Variants in ACBD3 observed in about 807,000 individuals in gnomAD.
ACBD3 encodes Golgi resident protein GCP60.
Under a neutral mutation model 66.9 loss-of-function variants are expected in ACBD3, and 30 were observed. The ratio of observed to expected loss-of-function variants is 0.45; its 90% CI spans 0.34 to 0.61. The LOEUF (loss-of-function observed/expected upper bound fraction) is 0.61, where lower values mean the gene tolerates loss of function less well. ACBD3 is among the 20% of genes least tolerant of loss of function. ACBD3 has a pLI of 0.02. For missense variants in ACBD3, 544 were observed against 664.5 expected, an observed-to-expected ratio of 0.82 and a Z score of 1.99; for synonymous variants, 278 against 259.8, an observed-to-expected ratio of 1.07 and a Z score of -0.68.
rs147746021 is a variant in ACBD3, at chr1:226,161,257, G to A, written c.728+274C>T. 0.014 allele frequency among the ~76,000 whole-genome samples: 2,051 copies of A among 150,742 alleles called. 114 individuals carry two copies. In the East Asian group the frequency reaches 0.19, roughly 14 times the overall value. ...GGGTTCAAGAGATTCTCCTGCCTCA[G>A]CCTCCTGAGTAGGTGGGATTACAGG... On this transcript the variant is annotated intron_variant, in intron 4 of 7. Coordinates refer to ENST00000366812, the MANE Select transcript of ACBD3 (RefSeq NM_022735.4).
At chr1:226,149,788 C>T (rs956565207) in intron 7 of ACBD3, among the ~76,000 whole-genome samples, 5 of 151,718 alleles carry the variant, frequency 3.3e-5, no homozygotes, top group African/African-American at 4.8e-5. Context: ...GCAATCCATC[C>T]GCTTTGGCCT....
At chr1:226,172,512 C>A (rs963951307) in intron 1 of ACBD3, among the ~76,000 whole-genome samples, 2 of 152,066 alleles carry the variant, frequency 1.3e-5, no homozygotes, top group African/African-American at 4.8e-5. Context: ...TAGAATCTAG[C>A]CTGGGCAATC....
intron 2 of ACBD3, among the ~76,000 whole-genome samples, 176 bp from the exon 3 acceptor site, chr1:226,165,105 G>A (rs895436166): frequency 2.0e-5 from 3 of 151,988 alleles, no homozygotes; most frequent in Admixed American, 1.3e-4. Flanking sequence ...AATTAGATAC[G>A]CCACATACAA....
At chr1:226,170,616 C>T (rs772615730) in intron 1 of ACBD3, among the ~76,000 whole-genome samples, 27 of 152,184 alleles carry the variant, frequency 1.8e-4, no homozygotes, top group Middle Eastern at 3.4e-3. Flanking sequence ...TACACACACA[C>T]AAAATTTTTT....
intron 1 of ACBD3, among the ~76,000 whole-genome samples, chr1:226,182,608 C>T (rs759774851): frequency 2.0e-5 from 3 of 151,794 alleles, no homozygotes; most frequent in African/African-American, 4.8e-5. Flanking sequence ...AGCAAGACTC[C>T]GTCTCAGAAA....
chr1:226,156,751 A>G (rs1314971450), intron 5 of ACBD3, among the ~76,000 whole-genome samples: 1 of 152,192 alleles, frequency 6.6e-6, no homozygotes, highest in Non-Finnish European at 1.5e-5. Flanking sequence ...TCAATTTTCT[A>G]GAAGGGATAC....
intron 1 of ACBD3, among the ~76,000 whole-genome samples, chr1:226,176,150 G>C (rs1306488332): frequency 6.6e-6 from 1 of 152,172 alleles, no homozygotes; most frequent in African/African-American, 2.4e-5. Context: ...GCTTGCGGCT[G>C]GGCGTGGTGG....
intron 3 of ACBD3, among the ~76,000 whole-genome samples, chr1:226,164,344 T>C (rs1300334884): frequency 2.0e-5 from 3 of 152,134 alleles, no homozygotes; most frequent in Admixed American, 2.0e-4. Flanking sequence ...AAATAATCAA[T>C]AAGCCAGCTG....
At chr1:226,174,282 T>C (rs1195429073) in intron 1 of ACBD3, among the ~76,000 whole-genome samples, 1 of 152,176 alleles carries the variant, frequency 6.6e-6, no homozygotes, top group Admixed American at 6.5e-5. Context: ...TTATTAATAT[T>C]ACAAAGTTAT....
intron 1 of ACBD3, among the ~76,000 whole-genome samples, chr1:226,176,841 A>G (rs995721425): frequency 6.6e-6 from 1 of 152,216 alleles, no homozygotes; most frequent in African/African-American, 2.4e-5. Context: ...TATCTGATCC[A>G]TGACTGTCAA....
chr1:226,178,574 C>CTAAAAAAAA (rs1656102421), intron 1 of ACBD3, among the ~76,000 whole-genome samples: 1 of 83,636 alleles, frequency 1.2e-5, no homozygotes, highest in African/African-American at 4.7e-5. Flanking sequence ...GACTCCGTCT[C>CTAAAAAAAA]AAAAAAAAAA....
At chr1:226,153,747 T>C (rs1374716518) in intron 6 of ACBD3, among the ~76,000 whole-genome samples, 1 of 152,162 alleles carries the variant, frequency 6.6e-6, no homozygotes, top group Non-Finnish European at 1.5e-5. Context: ...ACATGATACA[T>C]TAGTCTCAAA....
At chr1:226,148,885 C>A (rs748088752) in intron 7 of ACBD3, among the ~76,000 whole-genome samples, 1 of 152,268 alleles carries the variant, frequency 6.6e-6, no homozygotes, top group Admixed American at 6.5e-5. Context: ...ATGTAATGAA[C>A]AATTCTTAGG....
chr1:226,159,077 A>C, intron 5 of ACBD3, 107 bp downstream of exon 5: 4 of 1,281,648 alleles, frequency 3.1e-6, no homozygotes, highest in South Asian at 1.4e-5. Flanking sequence ...TTTACACCTT[A>C]GAGGCTAACT....
intron 1 of ACBD3, among the ~76,000 whole-genome samples, chr1:226,168,517 A>G (rs9724673): frequency 0.64 from 96,670 of 152,102 alleles, 30,970 homozygotes; most frequent in African/African-American, 0.7. Context: ...TCGAAACAAC[A>G]TGGTACAGTC....
intron 3 of ACBD3, among the ~76,000 whole-genome samples, chr1:226,162,040 G>T (rs1659783731): frequency 6.6e-6 from 1 of 152,136 alleles, no homozygotes; most frequent in Non-Finnish European, 1.5e-5. Flanking sequence ...TTAAATTTGT[G>T]TGATACATTC....
intron 1 of ACBD3, among the ~76,000 whole-genome samples, chr1:226,168,720 T>TA (rs1466155415): frequency 2.6e-5 from 4 of 152,226 alleles, no homozygotes; most frequent in Non-Finnish European, 4.4e-5. Context: ...GCCAGCTGTA[T>TA]AAAAGTATAT....
Position 226,186,469 on chromosome 1 carries a change from C to A in ACBD3, c.207G>T (p.Ala69=). ...EPGEAAAGGA[A]EEARRLEQRW... The stretch of plus-strand genomic sequence containing the variant: ...GCTGCTCCAGCCGCCGCGCCTCCTC[C>A]GCCGCGCCCCCAGCCGCCGCCTCCC... The change falls in exon 1 of 8, where the codon GCG becomes GCT. Residue 69 remains alanine (A), a synonymous_variant. Coordinates refer to ENST00000366812, the MANE Select transcript of ACBD3 (RefSeq NM_022735.4). The A allele has an allele frequency of 6.7e-7, 1 of 1,498,664 alleles. No homozygotes were observed. The highest frequency in any genetic ancestry group is 1.3e-5 in the South Asian group (1 of 79,314). 92.8% of individuals were successfully genotyped at this position (1,498,664 alleles called of 1,614,324 possible).
At position 226,145,014 on chromosome 1, in the gene ACBD3, C is replaced by T. The variant is rs1659420663; in HGVS notation, c.*1596G>A. 1.3e-5 allele frequency: 2 copies of T among 152,456 alleles called. No individual in the cohort carries two copies. The allele number at this position is 152,456 out of a possible 1,614,324, so 9.4% of individuals were successfully genotyped here. A position where few individuals can be genotyped will look rare whatever the true frequency, so the allele number is the denominator to read the frequency against. On this transcript the variant is annotated 3_prime_UTR_variant, in exon 8 of 8. Transcript: ENST00000366812. ...CATAAAAAAAAAATCCAGGAAGTGC[C>T]TAACTCCATGGTTTCTATACCATAT...
Sources: gnomAD v4.1 joint callset for allele counts (sites outside exome capture counted in the v4.1 genomes callset) on GRCh38, gnomAD v4.1.1 for gene constraint, MANE v1.5 for transcripts, NCBI Gene and HGNC (gene_info 2026-07-23, HGNC 2026-07-21) for gene names.